Variants in SHROOM2 observed in about 807,000 individuals in gnomAD.
SHROOM2 encodes protein Shroom2.
In SHROOM2, 33 loss-of-function variants were observed where a neutral mutation model predicts 75.9. That is an observed-to-expected ratio of 0.43 (90% CI 0.33 to 0.58). The LOEUF (loss-of-function observed/expected upper bound fraction) is 0.58. Ranked by LOEUF, SHROOM2 falls within the 20% of genes least tolerant of loss-of-function variation. The pLI, the probability that SHROOM2 is intolerant of heterozygous loss-of-function variation, is 0.04. For synonymous variants in SHROOM2, 655 were observed against 663.6 expected (o/e 0.99, Z 0.20); for missense variants, 1,434 against 1,461.2 (o/e 0.98, Z 0.30).
At chrX:9,915,341 CAT>C (rs2084480629) in intron 5 of SHROOM2, among the ~76,000 whole-genome samples, 1 of 110,675 alleles carries the variant, frequency 9.0e-6, no homozygotes, top group African/African-American at 3.3e-5. Context: ...GGAACAAAAG[CAT>C]ATGAATATAT....
At position 9,937,515 on chromosome X, in the gene SHROOM2, C is replaced by T. The variant is rs1308167839; in HGVS notation, c.3969C>T (p.Ile1323=). The change falls in exon 7 of 10, where the codon ATC becomes ATT. Residue 1323 remains isoleucine (I), a synonymous_variant. Transcript: ENST00000380913. ...DLKSEELARE[I]VGKDKSLADI... ...AGTCGGAGGAGCTGGCCAGGGAGAT[C>T]GTGGGGAAGGATAAGTCCCTGGCCG... 6 of 1,209,694 alleles carry T rather than the reference C, an allele frequency of 5.0e-6. No homozygotes were observed. Among genetic ancestry groups the T allele is most frequent in the Non-Finnish European group, 6.7e-6 (6 of 895,134 alleles).
Position 9,949,276 on chromosome X carries a change from T to A in SHROOM2, c.*2339T>A. 3.1e-6 allele frequency: 1 copy of A among 327,177 alleles called. No homozygotes were observed. The allele number at this position is 327,177 out of a possible 1,213,427, so 27.0% of individuals were successfully genotyped here. ...GGTGGCAGCTGCTCCTTCGCCCTCTTGTAGTGTGGCTGTGGAGGGCTCTGC... is the reference window on the plus strand; with the variant it reads ...GGTGGCAGCTGCTCCTTCGCCCTCTAGTAGTGTGGCTGTGGAGGGCTCTGC... On this transcript the variant is annotated 3_prime_UTR_variant, in exon 10 of 10. Transcript: ENST00000380913.
At position 9,937,267 on chromosome X, in the gene SHROOM2, G is replaced by C; in HGVS notation, c.3721G>C (p.Gly1241Arg). 1 of 1,210,579 alleles carries C rather than the reference G, an allele frequency of 8.3e-7. No individual in the cohort carries two copies. Among genetic ancestry groups the C allele is most frequent in the Non-Finnish European group, 1.1e-6 (1 of 894,923 alleles). Residue 1241 changes from glycine to arginine, a missense_variant, in exon 7 of 10, where the codon GGG becomes CGG. By Grantham distance (125) the Gly-to-Arg change is moderately radical (BLOSUM62 -2). Coordinates refer to ENST00000380913, the MANE Select transcript of SHROOM2 (RefSeq NM_001649.4). ...CGCCGAGCCACCTGCCCTGCCCCAC[G>C]GGCTGGAGAAAGACCAGATCAAGAC... ...CPAEPPALPH[G>R]LEKDQIKTLS...
chrX:9,946,496 C>T (rs1174559725), intron 9 of SHROOM2, among the ~76,000 whole-genome samples, 175 bp from the exon 10 acceptor site: 2 of 112,399 alleles, frequency 1.8e-5, no homozygotes, highest in African/African-American at 3.2e-5. Context: ...GAGACACATG[C>T]CCCCAGGCCC....
chrX:9,923,106 T>A (rs767620323), intron 5 of SHROOM2, among the ~76,000 whole-genome samples: 3 of 110,534 alleles, frequency 2.7e-5, no homozygotes, highest in African/African-American at 9.9e-5. Flanking sequence ...GTGTGGGGAG[T>A]CTGATGAATT....
chrX:9,829,277 G>A lies in SHROOM2; in HGVS notation c.165+42567G>A, dbSNP rs771081113. Among the ~76,000 whole-genome samples the A allele has an allele frequency of 8.0e-4, 90 of 112,395 alleles. 1 individual carries two copies. The South Asian group carries it at 0.032, about 40-fold the overall frequency. On this transcript the variant is annotated intron_variant, in intron 1 of 9. Transcript: ENST00000380913. ...GACCTCAGGTGATGCACCCACCTCAGCCTCACAAAGTGCTGAGATTACAGG... is the reference window on the plus strand; with the variant it reads ...GACCTCAGGTGATGCACCCACCTCAACCTCACAAAGTGCTGAGATTACAGG...
chrX:9,851,857 CTT>C (rs2084042845), intron 1 of SHROOM2, among the ~76,000 whole-genome samples: 1 of 111,620 alleles, frequency 9.0e-6, no homozygotes, highest in African/African-American at 3.3e-5. Context: ...AAGTTCAAAA[CTT>C]TATTATATAG....
intron 1 of SHROOM2, among the ~76,000 whole-genome samples, chrX:9,823,085 T>C (rs1163582536): frequency 4.0e-5 from 3 of 75,320 alleles, no homozygotes; most frequent in African/African-American, 1.5e-4. Context: ...CCTTCTCCCT[T>C]CTCCTCCTCC....
intron 6 of SHROOM2, among the ~76,000 whole-genome samples, chrX:9,935,335 T>G (rs866646864): frequency 1.0e-5 from 1 of 98,653 alleles, no homozygotes; most frequent in Non-Finnish European, 2.0e-5. Context: ...ATTATTATTA[T>G]TTATTATTAT....
In SHROOM2 at chrX:9,949,273, T is replaced by G. The variant is rs1280931587; in HGVS notation, c.*2336T>G. The G allele has an allele frequency of 3.1e-6, 1 of 323,765 alleles. No homozygotes were observed. Among genetic ancestry groups the G allele is most frequent in the African/African-American group, 2.7e-5 (1 of 37,347 alleles). 26.7% of individuals were successfully genotyped at this position (323,765 alleles called of 1,213,427 possible). ...TTGGGTGGCAGCTGCTCCTTCGCCCTCTTGTAGTGTGGCTGTGGAGGGCTC... is the reference window on the plus strand; with the variant it reads ...TTGGGTGGCAGCTGCTCCTTCGCCCGCTTGTAGTGTGGCTGTGGAGGGCTC... On this transcript the variant is annotated 3_prime_UTR_variant, in exon 10 of 10. Coordinates refer to ENST00000380913, the MANE Select transcript of SHROOM2 (RefSeq NM_001649.4).
intron 1 of SHROOM2, among the ~76,000 whole-genome samples, chrX:9,857,398 T>C: frequency 9.2e-6 from 1 of 109,010 alleles, no homozygotes; most frequent in East Asian, 2.8e-4. Context: ...TTTTTTTTTT[T>C]CAGAGACATG....
At chrX:9,939,536 T>C (rs1484173952) in intron 8 of SHROOM2, among the ~76,000 whole-genome samples, 170 bp downstream of exon 8, 6 of 112,699 alleles carry the variant, frequency 5.3e-5, no homozygotes, top group Admixed American at 9.4e-5. Context: ...AAGCCCTCTG[T>C]TGTTAGTTCT....
chrX:9,866,947 A>G (rs1183910066), intron 1 of SHROOM2, among the ~76,000 whole-genome samples: 3 of 109,098 alleles, frequency 2.7e-5, no homozygotes, highest in Admixed American at 9.8e-5. Flanking sequence ...TGCCGTTTCT[A>G]TTTGGAGGCC....
intron 1 of SHROOM2, among the ~76,000 whole-genome samples, chrX:9,871,558 A>G (rs756373256): frequency 4.4e-5 from 5 of 112,498 alleles, no homozygotes; most frequent in Non-Finnish European, 1.9e-5. Context: ...TAAAGACATC[A>G]GGATAAAATC....
chrX:9,833,327 C>T (rs773251479), intron 1 of SHROOM2, among the ~76,000 whole-genome samples: 6 of 111,405 alleles, frequency 5.4e-5, no homozygotes, highest in African/African-American at 2.0e-4. Flanking sequence ...TGTAGTGACC[C>T]GCAGTCTCTC....
rs191999369 is a variant in SHROOM2, at chrX:9,886,070, T to C, written c.318-4907T>C. Among the ~76,000 whole-genome samples the C allele has an allele frequency of 2.7e-5, 3 of 113,083 alleles. No individual in the cohort carries two copies. In the East Asian group the frequency reaches 8.3e-4, roughly 31 times the overall value. ...CAGCTTCTGGGTTTGTTTTCATTTTTTCATTGCCTCATACAGCATTGCTCA... is the reference window on the plus strand; with the variant it reads ...CAGCTTCTGGGTTTGTTTTCATTTTCTCATTGCCTCATACAGCATTGCTCA... On this transcript the variant is annotated intron_variant, in intron 2 of 9. Coordinates refer to ENST00000380913, the MANE Select transcript of SHROOM2 (RefSeq NM_001649.4).
At chrX:9,907,044 CA>C (rs1349493085) in intron 5 of SHROOM2, among the ~76,000 whole-genome samples, 1 of 110,762 alleles carries the variant, frequency 9.0e-6, no homozygotes, top group Non-Finnish European at 1.9e-5. Flanking sequence ...GGCGTTGGGG[CA>C]GGGGGGAGGC....
At chrX:9,881,717 C>A (rs1371046025) in intron 2 of SHROOM2, among the ~76,000 whole-genome samples, 3 of 112,338 alleles carry the variant, frequency 2.7e-5, no homozygotes, top group African/African-American at 9.7e-5. Flanking sequence ...ATTCGTGGAC[C>A]TTCCTCCCTC....
At chrX:9,935,232 G>T (rs997674569) in intron 6 of SHROOM2, among the ~76,000 whole-genome samples, 37 of 111,395 alleles carry the variant, frequency 3.3e-4, no homozygotes, top group African/African-American at 1.1e-3. Context: ...CGGGAGCCGG[G>T]GGGGCGGGGG....
Sources: gnomAD v4.1 joint callset for allele counts (sites outside exome capture counted in the v4.1 genomes callset) on GRCh38, gnomAD v4.1.1 for gene constraint, MANE v1.5 for transcripts, NCBI Gene and HGNC (gene_info 2026-07-23, HGNC 2026-07-21) for gene names.